The following R3HCC1L variants were observed in gnomAD, a reference collection of about 807,000 sequenced individuals.
R3HCC1L encodes R3H domain and coiled-coil containing 1 like.
Under a neutral mutation model 59.9 loss-of-function variants are expected in R3HCC1L, and 51 were observed. The ratio of observed to expected loss-of-function variants is 0.85; its 90% CI spans 0.68 to 1.07. The LOEUF (loss-of-function observed/expected upper bound fraction) is 1.07. Ranked by LOEUF, R3HCC1L falls within the 50% of genes least tolerant of loss-of-function variation. The pLI, the probability that R3HCC1L is intolerant of heterozygous loss-of-function variation, is 0.00. For synonymous variants in R3HCC1L, 322 were observed against 315.2 expected, an observed-to-expected ratio of 1.02 and a Z score of -0.23; for missense variants, 965 against 933.0, an observed-to-expected ratio of 1.03 and a Z score of -0.45.
intron 1 of R3HCC1L, among the ~76,000 whole-genome samples, chr10:98,136,965 C>T (rs563270029): frequency 1.3e-5 from 2 of 152,324 alleles, no homozygotes; most frequent in African/African-American, 4.8e-5. Context: ...AATCCTGGCA[C>T]TTTGGGAGGC....
intron 4 of R3HCC1L, among the ~76,000 whole-genome samples, chr10:98,168,707 AT>A (rs1272564050): frequency 6.6e-6 from 1 of 152,192 alleles, no homozygotes; most frequent in East Asian, 1.9e-4. Flanking sequence ...TCTGTTTAAG[AT>A]TGCATCTGAA....
rs767464027 is a variant in R3HCC1L at position 98,235,564 on chromosome 10, T to C, written c.2128+44T>C. 7 of 1,469,282 alleles carry C rather than the reference T, an allele frequency of 4.8e-6. No individual in the cohort carries two copies. In the East Asian group the frequency reaches 1.4e-4, roughly 29 times the overall value. 91.0% of individuals were successfully genotyped at this position (1,469,282 alleles called of 1,614,324 possible). ...GGTTTTTTTCTTGCTGATGGTGGTA[T>C]TATTGTTCTTTCCAGAAGTTTTATA... On this transcript the variant is annotated intron_variant, in intron 8 of 9. Coordinates refer to ENST00000298999, the MANE Select transcript of R3HCC1L (RefSeq NM_001351015.2).
intron 4 of R3HCC1L, among the ~76,000 whole-genome samples, chr10:98,169,515 C>A (rs974620959): frequency 2.6e-5 from 4 of 152,186 alleles, no homozygotes; most frequent in African/African-American, 9.7e-5. Flanking sequence ...TCTTTCTCTT[C>A]CTCTACTACT....
At chr10:98,158,041 C>T (rs552667158) in intron 2 of R3HCC1L, among the ~76,000 whole-genome samples, 1 of 152,212 alleles carries the variant, frequency 6.6e-6, no homozygotes, top group East Asian at 1.9e-4. Context: ...CATTGGAAAA[C>T]CCACAAAAAT....
intron 1 of R3HCC1L, among the ~76,000 whole-genome samples, chr10:98,143,384 C>T (rs1436205247): frequency 1.3e-5 from 2 of 152,324 alleles, no homozygotes; most frequent in East Asian, 3.9e-4. Flanking sequence ...CCTCTTGATC[C>T]TTCGTGTGAG....
intron 5 of R3HCC1L, among the ~76,000 whole-genome samples, chr10:98,225,217 C>G (rs987781093): frequency 5.9e-5 from 9 of 152,196 alleles, no homozygotes; most frequent in African/African-American, 1.9e-4. Context: ...ATAATCAGTA[C>G]ATCAGATTGT....
At chr10:98,242,665 A>C (rs982351295) in intron 9 of R3HCC1L, among the ~76,000 whole-genome samples, 4 of 152,188 alleles carry the variant, frequency 2.6e-5, no homozygotes, top group Non-Finnish European at 5.9e-5. Context: ...ATTACTCTTA[A>C]AGATTTAAGT....
At chr10:98,211,730 C>CT (rs1853604647) in intron 5 of R3HCC1L, among the ~76,000 whole-genome samples, 1 of 152,026 alleles carries the variant, frequency 6.6e-6, no homozygotes, top group Admixed American at 6.6e-5. Context: ...GTTGGGGGCT[C>CT]TGTCTTTTTA....
At chr10:98,150,974 C>T (rs118065643) in intron 1 of R3HCC1L, among the ~76,000 whole-genome samples, 4,811 of 151,942 alleles carry the variant, frequency 0.032, 114 homozygotes, top group Non-Finnish European at 0.041. Context: ...GATTGTGAGT[C>T]GGGGGGAAAT....
intron 4 of R3HCC1L, among the ~76,000 whole-genome samples, chr10:98,183,635 T>G (rs1027403628): frequency 1.3e-5 from 2 of 152,200 alleles, no homozygotes; most frequent in African/African-American, 4.8e-5. Context: ...GGATGTTCTC[T>G]TCTCTGTTTT....
At chr10:98,157,542 C>G (rs1847006988) in intron 2 of R3HCC1L, among the ~76,000 whole-genome samples, 1 of 152,208 alleles carries the variant, frequency 6.6e-6, no homozygotes, top group Non-Finnish European at 1.5e-5. Context: ...GTTGGTATGG[C>G]CAGTCCCTGA....
At chr10:98,177,771 C>T (rs1323995309) in intron 4 of R3HCC1L, among the ~76,000 whole-genome samples, 1 of 152,146 alleles carries the variant, frequency 6.6e-6, no homozygotes, top group Non-Finnish European at 1.5e-5. Flanking sequence ...TTGCATTTTT[C>T]TGATCACCAG....
chr10:98,152,804 G>A (rs1476144747), intron 1 of R3HCC1L, among the ~76,000 whole-genome samples: 8 of 149,442 alleles, frequency 5.4e-5, no homozygotes, highest in Admixed American at 2.0e-4. Context: ...CAGCCGCCCC[G>A]TCTGAGAAGT....
chr10:98,212,365 C>T (rs1262204070), intron 5 of R3HCC1L, among the ~76,000 whole-genome samples: 2 of 152,128 alleles, frequency 1.3e-5, no homozygotes, highest in Non-Finnish European at 2.9e-5. Flanking sequence ...TTGATAGCAG[C>T]TAGACATATG....
chr10:98,170,614 C>A (rs1176286151), intron 4 of R3HCC1L, among the ~76,000 whole-genome samples: 1 of 152,210 alleles, frequency 6.6e-6, no homozygotes, highest in African/African-American at 2.4e-5. Context: ...GCGTGAGCCA[C>A]TGTGCCTGGC....
intron 4 of R3HCC1L, among the ~76,000 whole-genome samples, chr10:98,198,223 TAA>T (rs1334671101): frequency 1.3e-5 from 2 of 152,076 alleles, no homozygotes; most frequent in Admixed American, 6.6e-5. Context: ...GGCTAGAATT[TAA>T]AAGTGTATAA....
chr10:98,142,246 A>G (rs1020945141), intron 1 of R3HCC1L, among the ~76,000 whole-genome samples: 2 of 152,212 alleles, frequency 1.3e-5, no homozygotes, highest in Non-Finnish European at 2.9e-5. Flanking sequence ...AACGATATGC[A>G]TGTTCACTGC....
At chr10:98,233,918 CCT>C (rs1856649366) in intron 6 of R3HCC1L, among the ~76,000 whole-genome samples, 1 of 152,156 alleles carries the variant, frequency 6.6e-6, no homozygotes, top group African/African-American at 2.4e-5. Context: ...ATAGTTGCCC[CCT>C]TTTTTCCCCG....
rs1301884285 is a variant in R3HCC1L, at chr10:98,237,119, A to G, written c.2269+955A>G. Among the ~76,000 whole-genome samples the G allele has an allele frequency of 2.0e-5, 3 of 152,200 alleles. No homozygotes were observed. The East Asian group carries it at 5.8e-4, about 29-fold the overall frequency. On this transcript the variant is annotated intron_variant, in intron 9 of 9. Transcript: ENST00000298999. Reference sequence around the variant, plus strand: ...CAGATAACCAGTGACAGAGTGTGTCATGGCAGGTGCTAGAGTTTCAGAGTT... The same window carrying G: ...CAGATAACCAGTGACAGAGTGTGTCGTGGCAGGTGCTAGAGTTTCAGAGTT...
Sources: gnomAD v4.1 joint callset for allele counts (sites outside exome capture counted in the v4.1 genomes callset) on GRCh38, gnomAD v4.1.1 for gene constraint, MANE v1.5 for transcripts, NCBI Gene and HGNC (gene_info 2026-07-23, HGNC 2026-07-21) for gene names.